The following CCDC91 variants were observed in gnomAD, a reference collection of about 807,000 sequenced individuals.
CCDC91 encodes coiled-coil domain-containing protein 91.
A neutral mutation model predicts 63.2 loss-of-function variants in CCDC91; 48 were observed. The ratio of observed to expected loss-of-function variants is 0.76; its 90% CI spans 0.60 to 0.97. The LOEUF (loss-of-function observed/expected upper bound fraction) is 0.97. CCDC91 is among the 50% of genes least tolerant of loss of function. The pLI is 0.00. For synonymous variants in CCDC91, 167 were observed against 165.8 expected (o/e 1.01, Z -0.06); for missense variants, 500 against 494.6 (o/e 1.01, Z -0.10).
intron 12 of CCDC91, chr12:28,505,393 C>T (rs1046765139): frequency 2.0e-5 from 3 of 151,766 alleles, no homozygotes; most frequent in African/African-American, 4.8e-5. Context: ...AATTGAGTTT[C>T]GTCTACGGCC....
chr12:28,214,448 C>T (rs1201786986), intron 1 of CCDC91, among the ~76,000 whole-genome samples: 1 of 152,008 alleles, frequency 6.6e-6, no homozygotes, highest in Non-Finnish European at 1.5e-5. Flanking sequence ...ACAGTCACAA[C>T]CAGATGAGGT....
intron 7 of CCDC91, among the ~76,000 whole-genome samples, chr12:28,390,435 T>C (rs1343629382): frequency 6.6e-6 from 1 of 152,078 alleles, no homozygotes; most frequent in Non-Finnish European, 1.5e-5. Context: ...ATAGAATGAT[T>C]TAGAGTTTAT....
intron 11 of CCDC91, among the ~76,000 whole-genome samples, chr12:28,478,903 C>A (rs138769226): frequency 1.5e-3 from 228 of 152,252 alleles, no homozygotes; most frequent in Non-Finnish European, 2.8e-3. Context: ...CCAATCAAAA[C>A]CACAATGAGA....
At chr12:28,448,967 A>C (rs895482690) in intron 8 of CCDC91, among the ~76,000 whole-genome samples, 4 of 152,086 alleles carry the variant, frequency 2.6e-5, no homozygotes, top group African/African-American at 4.8e-5. Context: ...TACGTTAATT[A>C]TGTGGTAAGT....
intron 11 of CCDC91, among the ~76,000 whole-genome samples, chr12:28,482,330 C>G (rs1260196521): frequency 6.6e-6 from 1 of 151,774 alleles, no homozygotes; most frequent in East Asian, 1.9e-4. Flanking sequence ...CAACTTTAAT[C>G]TTTTGAAATA....
intron 11 of CCDC91, among the ~76,000 whole-genome samples, chr12:28,464,545 T>C (rs1396802577): frequency 6.6e-6 from 1 of 152,152 alleles, no homozygotes; most frequent in Non-Finnish European, 1.5e-5. Context: ...CGAGGCCTCC[T>C]TTCCAGGCCC....
intron 7 of CCDC91, among the ~76,000 whole-genome samples, chr12:28,367,210 AC>A (rs1357202562): frequency 1.3e-5 from 2 of 152,256 alleles, no homozygotes; most frequent in African/African-American, 4.8e-5. Context: ...ATCATTAATT[AC>A]AAAAATGTTT....
chr12:28,536,749 A>G (rs954283791), intron 12 of CCDC91, among the ~76,000 whole-genome samples: 1 of 152,190 alleles, frequency 6.6e-6, no homozygotes, highest in African/African-American at 2.4e-5. Flanking sequence ...TCATTGGGAC[A>G]AATTTTCCTA....
chr12:28,231,774 A>G (rs1944615562), intron 1 of CCDC91, among the ~76,000 whole-genome samples: 1 of 152,088 alleles, frequency 6.6e-6, no homozygotes, highest in South Asian at 2.1e-4. Flanking sequence ...CTTTCAGTTC[A>G]CTTTATTCTT....
chr12:28,514,871 T>C (rs538134299), intron 12 of CCDC91, among the ~76,000 whole-genome samples: 120 of 151,730 alleles, frequency 7.9e-4, no homozygotes, highest in Admixed American at 1.7e-3. Flanking sequence ...TACTAGAGGG[T>C]AGAGGGTGGG....
At chr12:28,374,954 A>G (rs529689398) in intron 7 of CCDC91, among the ~76,000 whole-genome samples, 1 of 152,204 alleles carries the variant, frequency 6.6e-6, no homozygotes, top group East Asian at 1.9e-4. Context: ...ATAATAATTT[A>G]TAGACCTTTA....
At chr12:28,253,837 G>C (rs1946275558) in intron 1 of CCDC91, among the ~76,000 whole-genome samples, 1 of 152,074 alleles carries the variant, frequency 6.6e-6, no homozygotes, top group Non-Finnish European at 1.5e-5. Context: ...TCTACCTTAG[G>C]CATTTAATGA....
chr12:28,475,872 G>A (rs1951057384), intron 11 of CCDC91, among the ~76,000 whole-genome samples: 1 of 151,872 alleles, frequency 6.6e-6, no homozygotes, highest in Admixed American at 6.6e-5. Flanking sequence ...GCAGAAAATG[G>A]ACTAAGATAT....
chr12:28,533,937 TCTTATA>T (rs1350785246), intron 12 of CCDC91, among the ~76,000 whole-genome samples: 1 of 152,266 alleles, frequency 6.6e-6, no homozygotes, highest in East Asian at 1.9e-4. Context: ...ATTAATTTTT[TCTTATA>T]CTTGTTTTAT....
At chr12:28,490,933 C>CAG (rs35258791) in intron 12 of CCDC91, among the ~76,000 whole-genome samples, 111,037 of 151,336 alleles carry the variant, frequency 0.73, 41,148 homozygotes, top group Middle Eastern at 0.79. Flanking sequence ...TCCATTTCAA[C>CAG]TGTGGTAATT....
chr12:28,373,921 A>G (rs959223784), intron 7 of CCDC91, among the ~76,000 whole-genome samples: 2 of 152,120 alleles, frequency 1.3e-5, no homozygotes, highest in African/African-American at 4.8e-5. Context: ...CCGCCACCCT[A>G]TGAAGAAGGT....
chr12:28,267,929 TATATA>T (rs1565701434), intron 3 of CCDC91, among the ~76,000 whole-genome samples: 6 of 84,926 alleles, frequency 7.1e-5, no homozygotes, highest in South Asian at 3.0e-4. Context: ...ATTATAATTA[TATATA>T]ATTATATATA....
At chr12:28,515,665 CAAT>C (rs1374305680) in intron 12 of CCDC91, among the ~76,000 whole-genome samples, 1 of 151,970 alleles carries the variant, frequency 6.6e-6, no homozygotes, top group African/African-American at 2.4e-5. Context: ...TGCTGATTAT[CAAT>C]AATAACCCAT....
intron 1 of CCDC91, chr12:28,190,859 C>T (rs1941160712): frequency 6.6e-6 from 1 of 152,270 alleles, no homozygotes; most frequent in South Asian, 2.1e-4. Context: ...GGAGTGCCCA[C>T]TCGTTCCTGC....
Sources: gnomAD v4.1 joint callset for allele counts (sites outside exome capture counted in the v4.1 genomes callset) on GRCh38, gnomAD v4.1.1 for gene constraint, MANE v1.5 for transcripts, NCBI Gene and HGNC (gene_info 2026-07-23, HGNC 2026-07-21) for gene names.